Variants in WDR25 observed in about 807,000 individuals in gnomAD.
WDR25 encodes the protein WD repeat-containing protein 25.
Under a neutral mutation model 47.7 loss-of-function variants are expected in WDR25, and 35 were observed. The observed-to-expected ratio is 0.73, with a 90% CI of 0.56 to 0.97. WDR25 has a LOEUF of 0.97. WDR25 is among the 50% of genes least tolerant of loss of function. The pLI is 0.00. For missense variants in WDR25, 634 were observed against 704.7 expected, an observed-to-expected ratio of 0.90 and a Z score of 1.14; for synonymous variants, 248 against 278.9, an observed-to-expected ratio of 0.89 and a Z score of 1.10.
At chr14:100,390,391 CTGTGTGTG>C (rs55802109) in intron 2 of WDR25, among the ~76,000 whole-genome samples, 3,638 of 146,676 alleles carry the variant, frequency 0.025, 66 homozygotes, top group Non-Finnish European at 0.037. Context: ...TGACCAAAAG[CTGTGTGTG>C]TGTGTGTGTG....
intron 4 of WDR25, among the ~76,000 whole-genome samples, chr14:100,485,188 CCT>C (rs1229038738): frequency 1.3e-5 from 2 of 151,938 alleles, no homozygotes; most frequent in African/African-American, 2.4e-5. Context: ...CTTGCTGCCC[CCT>C]GTCATGGGGC....
chr14:100,528,995 G>A (rs2030329355), intron 5 of WDR25, 73 bp from the exon 6 acceptor site: 4 of 1,478,870 alleles, frequency 2.7e-6, no homozygotes, highest in African/African-American at 1.4e-5. Context: ...CTGGGAGCAG[G>A]CCCCAGGCCC....
chr14:100,395,167 A>G (rs1290933643), intron 2 of WDR25, among the ~76,000 whole-genome samples: 2 of 152,186 alleles, frequency 1.3e-5, no homozygotes, highest in African/African-American at 4.8e-5. Flanking sequence ...CAGGCACCAC[A>G]CAGGGGTTTA....
chr14:100,416,612 T>C (rs1897876689), intron 2 of WDR25, among the ~76,000 whole-genome samples: 1 of 152,106 alleles, frequency 6.6e-6, no homozygotes, highest in African/African-American at 2.4e-5. Flanking sequence ...GGCTCAAGGG[T>C]CCCCTTCTCT....
chr14:100,466,144 G>T (rs1010373763), intron 2 of WDR25, among the ~76,000 whole-genome samples: 3 of 152,114 alleles, frequency 2.0e-5, no homozygotes, highest in Non-Finnish European at 4.4e-5. Flanking sequence ...TCTTCTGGCT[G>T]TGTCTTCTGG....
intron 2 of WDR25, among the ~76,000 whole-genome samples, chr14:100,438,917 G>A (rs919287892): frequency 6.6e-6 from 1 of 152,252 alleles, no homozygotes; most frequent in Admixed American, 6.5e-5. Flanking sequence ...CTGCCTGGCT[G>A]CAAGGCCAGA....
chr14:100,412,668 G>A (rs1388324111), intron 2 of WDR25, among the ~76,000 whole-genome samples: 1 of 152,144 alleles, frequency 6.6e-6, no homozygotes, highest in Non-Finnish European at 1.5e-5. Flanking sequence ...TTGGGAAAAT[G>A]GGTAATGTCT....
At chr14:100,401,959 C>T (rs1014308771) in intron 2 of WDR25, among the ~76,000 whole-genome samples, 2 of 152,234 alleles carry the variant, frequency 1.3e-5, no homozygotes, top group African/African-American at 4.8e-5. Flanking sequence ...CTGGCATTAG[C>T]AGGTGCTGAT....
chr14:100,417,708 C>T (rs148254958), intron 2 of WDR25, among the ~76,000 whole-genome samples: 38 of 152,322 alleles, frequency 2.5e-4, no homozygotes, highest in African/African-American at 8.4e-4. Flanking sequence ...CTGCACAAAT[C>T]GCCCTTACTT....
In WDR25 at chr14:100,381,515, G is replaced by A. The variant is rs372926534; in HGVS notation, c.591G>A (p.Val197=). ...CGGAGACAGGCAAGGGTAAAGACGT[G>A]GAGCCACAGGGGCCCCCTGCAGGGC... The part of the protein sequence containing the change: ...LSTETGKGKD[V]EPQGPPAGRA... Residue 197 remains valine, a synonymous_variant, in exon 2 of 7, where the codon GTG becomes GTA. Coordinates refer to ENST00000402312, the MANE Select transcript of WDR25 (RefSeq NM_001161476.3). 65 of 1,614,154 alleles carry A rather than the reference G, an allele frequency of 4.0e-5. No individual in the cohort carries two copies. In the Middle Eastern group the frequency reaches 8.2e-4, roughly 20 times the overall value.
chr14:100,526,168 G>C, intron 5 of WDR25, 128 bp downstream of exon 5: 2 of 1,190,476 alleles, frequency 1.7e-6, no homozygotes, highest in South Asian at 3.0e-5. Context: ...TCCAGGATGA[G>C]GGTAGTCAGG....
At position 100,449,551 on chromosome 14, in the gene WDR25, A is replaced by G. The variant is rs1366117522; in HGVS notation, c.823-18470A>G. Among the ~76,000 whole-genome samples the G allele has an allele frequency of 2.0e-5, 3 of 152,230 alleles. No homozygotes were observed. The highest frequency in any genetic ancestry group is 4.4e-5 in the Non-Finnish European group (3 of 68,026). On this transcript the variant is annotated intron_variant, in intron 2 of 6. Coordinates refer to ENST00000402312, the MANE Select transcript of WDR25 (RefSeq NM_001161476.3). The surrounding 1 kb of genome is among the most constrained non-coding windows in gnomAD (Gnocchi z 4.2). ...GGTCAGGAGGCCTGTGCCCTGGGACATGGCTATGTATGACAGCCAGGACAC... is the reference window on the plus strand; with the variant it reads ...GGTCAGGAGGCCTGTGCCCTGGGACGTGGCTATGTATGACAGCCAGGACAC...
chr14:100,405,166 A>ATTTTTTTTTTTTTTT lies in WDR25; in HGVS notation c.822+23421_822+23422insTTTTTTTTTTTTTTT, dbSNP rs1285500586. Among the ~76,000 whole-genome samples the ATTTTTTTTTTTTTTT allele has an allele frequency of 1.7e-3, 129 of 75,190 alleles. 1 individual carries two copies. Among genetic ancestry groups the ATTTTTTTTTTTTTTT allele is most frequent in the African/African-American group, 6.4e-3 (124 of 19,504 alleles). The allele number at this position is 75,190 out of a possible 152,430, so 49.3% of individuals were successfully genotyped here. A position where few individuals can be genotyped will look rare whatever the true frequency, so the allele number is the denominator to read the frequency against. ...GGCCTAGGAATCCTCTCTCTGCCCC[A>ATTTTTTTTTTTTTTT]TCTTTTTTTTTTGAGATGGAGTTTT... On this transcript the variant is annotated intron_variant, in intron 2 of 6. Coordinates refer to ENST00000402312, the MANE Select transcript of WDR25 (RefSeq NM_001161476.3).
intron 2 of WDR25, among the ~76,000 whole-genome samples, chr14:100,460,906 A>G (rs78257068): frequency 6.6e-6 from 1 of 152,344 alleles, no homozygotes; most frequent in African/African-American, 2.4e-5. Flanking sequence ...TTATGTGCAG[A>G]TAACATGATC....
chr14:100,419,833 G>A (rs1036115113), intron 2 of WDR25, among the ~76,000 whole-genome samples: 2 of 152,244 alleles, frequency 1.3e-5, no homozygotes, highest in Admixed American at 1.3e-4. Context: ...TTATGGGACA[G>A]AGATGCAAAT....
chr14:100,495,532 C>G (rs1900703592), intron 4 of WDR25, among the ~76,000 whole-genome samples: 8 of 152,306 alleles, frequency 5.3e-5, no homozygotes, highest in Admixed American at 3.9e-4. Context: ...AGTTTTTAAT[C>G]TCTCTGACTT....
rs754640546 is a variant in WDR25 at position 100,468,203 on chromosome 14, G to A, written c.970+35G>A. 1 of 1,593,694 alleles carries A rather than the reference G, an allele frequency of 6.3e-7. No homozygotes were observed. Among genetic ancestry groups the A allele is most frequent in the South Asian group, 1.1e-5 (1 of 89,220 alleles). ...TTGTGTCACCTCCCTGAGGTGAGCT[G>A]GCAGCTCTCTCCCTGGGGAAGGTTC... On this transcript the variant is annotated intron_variant, in intron 3 of 6. Coordinates refer to ENST00000402312, the MANE Select transcript of WDR25 (RefSeq NM_001161476.3). The surrounding 1 kb of genome is among the most constrained non-coding windows in gnomAD (Gnocchi z 4.5).
Position 100,407,698 on chromosome 14 carries a change from AC to A in WDR25, c.822+25953del, listed in dbSNP as rs1216594305. 1 of 152,150 alleles carries A rather than the reference AC, an allele frequency of 6.6e-6. No individual in the cohort carries two copies. The highest frequency in any genetic ancestry group is 2.4e-5 in the African/African-American group (1 of 41,394). The allele number at this position is 152,150 out of a possible 1,614,324, so 9.4% of individuals were successfully genotyped here. ...CAGCTGTCCTCCAAAGCATACAATT[AC>A]TAAGAACAGGGACCATAGTTTCACA... On this transcript the variant is annotated intron_variant, in intron 2 of 6. Transcript: ENST00000402312. The surrounding 1 kb of genome is among the most constrained non-coding windows in gnomAD (Gnocchi z 4.1).
intron 3 of WDR25, among the ~76,000 whole-genome samples, chr14:100,479,208 C>T (rs1900119719): frequency 1.3e-5 from 2 of 152,126 alleles, no homozygotes; most frequent in Admixed American, 6.5e-5. Flanking sequence ...CTCTGTGCTG[C>T]CACATTGCTG....
Sources: allele counts gnomAD v4.1 joint callset (sites outside exome capture counted in the v4.1 genomes callset), GRCh38; gene constraint gnomAD v4.1.1; non-coding constraint Gnocchi (gnomAD v3.1); transcripts MANE v1.5; gene names NCBI Gene and HGNC (gene_info 2026-07-23, HGNC 2026-07-21).